FER: variants seen among roughly 807,000 people sequenced by gnomAD.
The protein encoded by FER is tyrosine-protein kinase Fer.
Under a neutral mutation model 111.0 loss-of-function variants are expected in FER, and 63 were observed. That is an observed-to-expected ratio of 0.57 (90% CI 0.46 to 0.70). FER has a LOEUF of 0.70. Among genes scored for constraint, FER ranks in the 30% least tolerant of loss-of-function variants. The pLI is 0.00. For missense variants in FER, 914 were observed against 954.0 expected, an observed-to-expected ratio of 0.96 and a Z score of 0.55; for synonymous variants, 327 against 313.9, an observed-to-expected ratio of 1.04 and a Z score of -0.44.
chr5:109,109,502 T>G (rs965816274), intron 17 of FER, among the ~76,000 whole-genome samples: 1 of 152,130 alleles, frequency 6.6e-6, no homozygotes, highest in Admixed American at 6.6e-5. Context: ...AATGAGTGAA[T>G]GAAGTTACTT....
At chr5:108,818,202 T>C (rs1420451473) in intron 3 of FER, 1 of 151,916 alleles carries the variant, frequency 6.6e-6, no homozygotes, top group East Asian at 1.9e-4. Context: ...CCAAGGAGGG[T>C]GGATTGCTTG....
At chr5:108,935,038 G>T (rs1036591895) in intron 10 of FER, among the ~76,000 whole-genome samples, 2 of 152,016 alleles carry the variant, frequency 1.3e-5, no homozygotes, top group Non-Finnish European at 2.9e-5. Flanking sequence ...ACATATAGGG[G>T]TGATTTTTCT....
chr5:109,175,768 G>A (rs910014740), intron 17 of FER, among the ~76,000 whole-genome samples: 2 of 152,194 alleles, frequency 1.3e-5, no homozygotes, highest in Non-Finnish European at 2.9e-5. Flanking sequence ...TTATGGAAAT[G>A]CAAATCAAAA....
intron 17 of FER, among the ~76,000 whole-genome samples, chr5:109,143,782 C>T (rs959083855): frequency 6.6e-6 from 1 of 151,442 alleles, no homozygotes; most frequent in African/African-American, 2.4e-5. Context: ...TCAAGCTATC[C>T]TCCCACTTCA....
At chr5:108,821,688 T>C (rs1758860253) in intron 3 of FER, among the ~76,000 whole-genome samples, 1 of 151,668 alleles carries the variant, frequency 6.6e-6, no homozygotes. Context: ...TACACACATA[T>C]TATTTTTGTT....
At chr5:108,871,962 A>T in intron 7 of FER, 131 bp from the exon 8 acceptor site, 1 of 930,134 alleles carries the variant, frequency 1.1e-6, no homozygotes, top group Non-Finnish European at 1.6e-6. Context: ...ATTTAGTTTG[A>T]TTTATACTAT....
At chr5:108,965,671 T>A (rs1759713394) in intron 13 of FER, among the ~76,000 whole-genome samples, 2 of 152,192 alleles carry the variant, frequency 1.3e-5, no homozygotes. Context: ...CTATTCATCA[T>A]CTTTTAATTA....
intron 17 of FER, among the ~76,000 whole-genome samples, chr5:109,101,161 G>C (rs576424548): frequency 6.6e-6 from 1 of 151,868 alleles, no homozygotes; most frequent in African/African-American, 2.4e-5. Flanking sequence ...TTGTTTTTTA[G>C]TGCTAAATGT....
chr5:108,889,117 C>G (rs1747626202), intron 9 of FER, among the ~76,000 whole-genome samples: 1 of 151,766 alleles, frequency 6.6e-6, no homozygotes, highest in Non-Finnish European at 1.5e-5. Context: ...AACCTGAACT[C>G]AGTTAGTGTA....
At chr5:109,126,828 G>A (rs1751789189) in intron 17 of FER, among the ~76,000 whole-genome samples, 1 of 152,144 alleles carries the variant, frequency 6.6e-6, no homozygotes, top group African/African-American at 2.4e-5. Context: ...AACCAAACAA[G>A]GTAAAGTGTA....
In FER at chr5:109,191,179, T is replaced by A. The variant is rs1462543361; in HGVS notation, c.*3604T>A. 6.6e-6 allele frequency: 1 copy of A among 152,158 alleles called. No individual in the cohort carries two copies. The highest frequency in any genetic ancestry group is 1.9e-4 in the East Asian group (1 of 5,204). 9.4% of individuals were successfully genotyped at this position (152,158 alleles called of 1,614,324 possible). A position where few individuals can be genotyped will look rare whatever the true frequency, so the allele number is the denominator to read the frequency against. On this transcript the variant is annotated 3_prime_UTR_variant, in exon 20 of 20. Transcript: ENST00000281092. ...TTAAAATGCAACAATCCAAATAAAT[T>A]ATAATGTAACAATACAAATATCTGA...
intron 13 of FER, among the ~76,000 whole-genome samples, chr5:108,974,944 A>G (rs942240198): frequency 1.3e-5 from 2 of 152,250 alleles, no homozygotes; most frequent in African/African-American, 4.8e-5. Flanking sequence ...ATTTGTGTTT[A>G]CTATAAAGAC....
chr5:108,797,474 A>G (rs1383637371), intron 2 of FER, among the ~76,000 whole-genome samples: 1 of 152,126 alleles, frequency 6.6e-6, no homozygotes, highest in Non-Finnish European at 1.5e-5. Context: ...CTGGGTGGGC[A>G]TTGGCTGAGT....
intron 15 of FER, among the ~76,000 whole-genome samples, chr5:109,045,654 A>C (rs569574721): frequency 7.4e-4 from 113 of 152,346 alleles, no homozygotes; most frequent in African/African-American, 2.6e-3. Flanking sequence ...GCTTACTATT[A>C]AACGTCAACT....
intron 16 of FER, among the ~76,000 whole-genome samples, chr5:109,072,481 G>A (rs574076858): frequency 3.3e-5 from 5 of 151,674 alleles, no homozygotes; most frequent in South Asian, 2.1e-4. Flanking sequence ...CAGATTGTGC[G>A]GTATTTTCTG....
chr5:108,919,360 A>G (rs1305828623), intron 10 of FER, among the ~76,000 whole-genome samples: 1 of 152,048 alleles, frequency 6.6e-6, no homozygotes, highest in African/African-American at 2.4e-5. Flanking sequence ...AAATTTAGCT[A>G]TTGTATGAAA....
chr5:109,085,208 T>C (rs1777428452), intron 16 of FER, among the ~76,000 whole-genome samples: 1 of 151,850 alleles, frequency 6.6e-6, no homozygotes, highest in Non-Finnish European at 1.5e-5. Context: ...ACTTGATACA[T>C]TGTTCCATTT....
At chr5:108,870,630 T>G (rs1163557509) in intron 6 of FER, among the ~76,000 whole-genome samples, 2 of 143,510 alleles carry the variant, frequency 1.4e-5, no homozygotes, top group African/African-American at 5.3e-5. Flanking sequence ...TATTAGTTTT[T>G]TATAAGTAAT....
chr5:108,902,546 T>A (rs1357704448), intron 10 of FER, among the ~76,000 whole-genome samples: 1 of 152,052 alleles, frequency 6.6e-6, no homozygotes, highest in East Asian at 1.9e-4. Context: ...AAGGGGGAAA[T>A]AGTATATGGG....
Sources: gnomAD v4.1 joint callset for allele counts (sites outside exome capture counted in the v4.1 genomes callset) on GRCh38, gnomAD v4.1.1 for gene constraint, MANE v1.5 for transcripts, NCBI Gene and HGNC (gene_info 2026-07-23, HGNC 2026-07-21) for gene names.